MAP2K4: variants seen among roughly 807,000 people sequenced by gnomAD.
The protein encoded by MAP2K4 is mitogen-activated protein kinase kinase 4, also known as dual specificity mitogen-activated protein kinase kinase 4.
A neutral mutation model predicts 48.5 loss-of-function variants in MAP2K4; 4 were observed. The observed-to-expected ratio is 0.08, with a 90% CI of 0.04 to 0.19. MAP2K4 has a LOEUF of 0.19. MAP2K4 is among the 10% of genes least tolerant of loss of function. The probability of loss-of-function intolerance (pLI) is 1.00; values close to 1 mark genes in which losing one functional copy is unlikely to be tolerated. For missense variants in MAP2K4, 258 were observed against 493.3 expected (o/e 0.52, Z 4.52); for synonymous variants, 166 against 173.1 (o/e 0.96, Z 0.32).
chr17:12,118,793 G>C (rs937390865), intron 7 of MAP2K4, among the ~76,000 whole-genome samples: 1 of 152,182 alleles, frequency 6.6e-6, no homozygotes, highest in Non-Finnish European at 1.5e-5. Context: ...CATACATGCT[G>C]TTGCCAGCAC....
intron 9 of MAP2K4, among the ~76,000 whole-genome samples, chr17:12,135,006 G>A (rs558721607): frequency 6.6e-6 from 1 of 152,286 alleles, no homozygotes; most frequent in East Asian, 1.9e-4. Context: ...AGGCTCAAGC[G>A]ATCCTCCCAT....
chr17:12,138,176 T>G (rs566808401), intron 9 of MAP2K4, among the ~76,000 whole-genome samples: 1 of 152,210 alleles, frequency 6.6e-6, no homozygotes, highest in East Asian at 1.9e-4. Flanking sequence ...GTTTTAGGAA[T>G]GGGAAGACTG....
At chr17:12,105,719 A>G (rs1972088424) in intron 4 of MAP2K4, among the ~76,000 whole-genome samples, 1 of 152,118 alleles carries the variant, frequency 6.6e-6, no homozygotes, top group African/African-American at 2.4e-5. Flanking sequence ...TATGACCAAA[A>G]GGAACTGTCA....
At chr17:12,022,079 T>C (rs1057376912) in intron 1 of MAP2K4, among the ~76,000 whole-genome samples, 1 of 152,244 alleles carries the variant, frequency 6.6e-6, no homozygotes, top group Non-Finnish European at 1.5e-5. Flanking sequence ...TGGGGTACCC[T>C]TGGTAGTCAG....
At chr17:12,123,275 C>T (rs1972751862) in intron 7 of MAP2K4, among the ~76,000 whole-genome samples, 1 of 152,258 alleles carries the variant, frequency 6.6e-6, no homozygotes, top group South Asian at 2.1e-4. Context: ...TAATAACATT[C>T]ATTAAGTAAC....
rs953982144 is a variant in MAP2K4, at chr17:12,095,451, G to T, written c.394-124G>T. On this transcript the variant is annotated intron_variant, in intron 3 of 10. Transcript: ENST00000353533. ...GGAAAGATGATAATTTTCATATCTG[G>T]TATTTGTGAAGTTTGGTAATTTTTA... The T allele has an allele frequency of 4.3e-6, 4 of 934,058 alleles. No individual in the cohort carries two copies. The East Asian group carries it at 1.0e-4, about 24-fold the overall frequency. 57.9% of individuals were successfully genotyped at this position (934,058 alleles called of 1,614,324 possible). A position where few individuals can be genotyped will look rare whatever the true frequency, so the allele number is the denominator to read the frequency against.
chr17:12,109,487 C>T (rs866250790), intron 5 of MAP2K4, among the ~76,000 whole-genome samples: 21 of 152,170 alleles, frequency 1.4e-4, no homozygotes, highest in Admixed American at 6.5e-5. Flanking sequence ...TCAGCAAAGA[C>T]GTCACCTTAC....
At chr17:12,044,581 A>G (rs543487741) in intron 1 of MAP2K4, among the ~76,000 whole-genome samples, 34 of 152,354 alleles carry the variant, frequency 2.2e-4, no homozygotes, top group African/African-American at 7.0e-4. Flanking sequence ...TTCACACCAT[A>G]CAACAATCAA....
intron 2 of MAP2K4, among the ~76,000 whole-genome samples, chr17:12,063,943 G>T (rs1025581085): frequency 3.9e-5 from 5 of 127,602 alleles, no homozygotes; most frequent in Non-Finnish European, 6.4e-5. Context: ...CTGCACTCTA[G>T]CTTGGGTGAC....
At chr17:12,100,005 C>T (rs1187738025) in intron 4 of MAP2K4, among the ~76,000 whole-genome samples, 10 of 152,072 alleles carry the variant, frequency 6.6e-5, no homozygotes, top group Non-Finnish European at 1.3e-4. Context: ...TTTATCCTTA[C>T]TTCCACCCCT....
intron 3 of MAP2K4, among the ~76,000 whole-genome samples, chr17:12,093,491 G>A (rs1434028813): frequency 6.6e-6 from 1 of 152,104 alleles, no homozygotes; most frequent in Admixed American, 6.6e-5. Context: ...TTGAGGTTTT[G>A]ACTGTAATAT....
intron 3 of MAP2K4, chr17:12,082,048 T>C: frequency 2.3e-6 from 1 of 430,972 alleles, no homozygotes; most frequent in Non-Finnish European, 5.1e-6. Flanking sequence ...AGTACTGCCC[T>C]GTTCCCTGGT....
chr17:12,102,052 A>G (rs919501934), intron 4 of MAP2K4, among the ~76,000 whole-genome samples: 5 of 152,138 alleles, frequency 3.3e-5, no homozygotes. Context: ...GAGTAGATAC[A>G]GTGAGAGTAG....
At chr17:12,101,783 T>G (rs1971947007) in intron 4 of MAP2K4, among the ~76,000 whole-genome samples, 2 of 152,162 alleles carry the variant, frequency 1.3e-5, no homozygotes, top group South Asian at 4.1e-4. Flanking sequence ...ATATTTTTAA[T>G]GCTAATACGT....
rs1414168465 is a variant in MAP2K4 at position 12,129,213 on chromosome 17, A to G, written c.966A>G (p.Lys322=). The G allele has an allele frequency of 6.2e-7, 1 of 1,614,276 alleles. No individual in the cohort carries two copies. Among genetic ancestry groups the G allele is most frequent in the Non-Finnish European group, 8.5e-7 (1 of 1,180,046 alleles). ...TTGATCAACTAACACAAGTCGTGAA[A>G]GGAGATCCTCCGCAGCTGAGTAATT... The part of the protein sequence containing the change: ...SVFDQLTQVV[K]GDPPQLSNSE... Residue 322 remains lysine, a synonymous_variant, in exon 9 of 11, where the codon AAA becomes AAG. Transcript: ENST00000353533.
intron 6 of MAP2K4, chr17:12,110,796 A>G (rs1394815110): frequency 5.3e-6 from 1 of 187,028 alleles, no homozygotes; most frequent in African/African-American, 2.4e-5. Context: ...AGCATTTTAA[A>G]GGCATGCTAT....
chr17:12,072,276 G>A (rs903348580), intron 2 of MAP2K4, among the ~76,000 whole-genome samples: 13 of 152,136 alleles, frequency 8.5e-5, no homozygotes, highest in South Asian at 2.1e-4. Context: ...GAACAGACTA[G>A]GTGTATCTTG....
chr17:12,094,971 A>C (rs1971686599), intron 3 of MAP2K4, among the ~76,000 whole-genome samples: 1 of 152,196 alleles, frequency 6.6e-6, no homozygotes, highest in African/African-American at 2.4e-5. Context: ...TTTAATGTAT[A>C]GAAAGTGCAG....
chr17:12,071,987 T>C (rs1206036669), intron 2 of MAP2K4, among the ~76,000 whole-genome samples: 1 of 152,212 alleles, frequency 6.6e-6, no homozygotes, highest in African/African-American at 2.4e-5. Flanking sequence ...CTGAAATGTT[T>C]AAAAAGTGAT....
Sources: allele counts gnomAD v4.1 joint callset (sites outside exome capture counted in the v4.1 genomes callset), GRCh38; gene constraint gnomAD v4.1.1; transcripts MANE v1.5; gene names NCBI Gene and HGNC (gene_info 2026-07-23, HGNC 2026-07-21).